TMEM178B: variants seen among roughly 807,000 people sequenced by gnomAD.
The protein encoded by TMEM178B is transmembrane protein 178B.
In TMEM178B, 5 loss-of-function variants were observed where a neutral mutation model predicts 31.0. That is an observed-to-expected ratio of 0.16 (90% CI 0.08 to 0.34). The LOEUF is 0.34. TMEM178B is among the 10% of genes least tolerant of loss of function. TMEM178B has a pLI of 1.00. For missense variants in TMEM178B, 275 were observed against 400.3 expected (o/e 0.69, Z 2.67); for synonymous variants, 164 against 164.0 (o/e 1.00, Z 0.00).
intron 2 of TMEM178B, among the ~76,000 whole-genome samples, chr7:141,393,053 T>C (rs1800574779): frequency 1.3e-5 from 2 of 152,166 alleles, no homozygotes. Flanking sequence ...AGCCTGTGCT[T>C]TTGTGGCACA....
chr7:141,490,632 G>A, the TMEM178B span, among the ~76,000 whole-genome samples: 7 of 152,176 alleles, frequency 4.6e-5, no homozygotes, highest in Admixed American at 1.3e-4. Flanking sequence ...CAGCAAGCTC[G>A]TACACCTATT....
intron 2 of TMEM178B, among the ~76,000 whole-genome samples, chr7:141,400,546 C>A (rs1224315073): frequency 6.6e-6 from 1 of 152,180 alleles, no homozygotes; most frequent in Non-Finnish European, 1.5e-5. Context: ...CCACCCATTC[C>A]CAGAATAGTG....
At chr7:141,450,646 A>G (rs1801846591) in intron 3 of TMEM178B, among the ~76,000 whole-genome samples, 3 of 152,150 alleles carry the variant, frequency 2.0e-5, no homozygotes, top group Admixed American at 1.3e-4. Context: ...CAGAGCTTTA[A>G]AGGGAGGATA....
At chr7:141,154,674 G>A (rs999520528) in intron 1 of TMEM178B, among the ~76,000 whole-genome samples, 1 of 151,872 alleles carries the variant, frequency 6.6e-6, no homozygotes, top group African/African-American at 2.4e-5. Flanking sequence ...GTTTCTTCAT[G>A]AGTTAGCTGG....
At chr7:141,415,444 A>T (rs1189715297) in intron 2 of TMEM178B, 1 of 152,894 alleles carries the variant, frequency 6.5e-6, no homozygotes, top group East Asian at 1.9e-4. Context: ...ACCTGTTGAA[A>T]GTCACAGGGC....
intron 2 of TMEM178B, among the ~76,000 whole-genome samples, chr7:141,395,787 A>T (rs551015442): frequency 6.6e-6 from 1 of 152,106 alleles, no homozygotes; most frequent in Non-Finnish European, 1.5e-5. Flanking sequence ...AAGGATGGGC[A>T]TGGGGGTTGG....
rs534795619 is a variant in TMEM178B, at chr7:141,417,655, AC to A, written c.497-19947del. On this transcript the variant is annotated intron_variant, in intron 2 of 3. Coordinates refer to ENST00000565468, the MANE Select transcript of TMEM178B (RefSeq NM_001195278.2). ...TGTAAACTCATCCACTTTTCTCCCT[AC>A]CCCCCACCTAGCAAGCTGTGTTCTC... Among the ~76,000 whole-genome samples, 241 of 151,362 alleles carry A rather than the reference AC, an allele frequency of 1.6e-3. 1 individual carries two copies. Among genetic ancestry groups the A allele is most frequent in the Admixed American group, 5.5e-3 (83 of 15,200 alleles).
rs570419904 is a variant in TMEM178B at position 141,206,949 on chromosome 7, C to T, written c.383-5642C>T. On this transcript the variant is annotated intron_variant, in intron 1 of 3. Transcript: ENST00000565468. ...ATGGAATCTCCCCATTTCTCCCACT[C>T]TCCAGCCCCTGGCAACTACCATTCT... Among the ~76,000 whole-genome samples, 6 of 152,350 alleles carry T rather than the reference C, an allele frequency of 3.9e-5. No individual in the cohort carries two copies. In the South Asian group the frequency reaches 1.2e-3, roughly 32 times the overall value.
chr7:141,125,136 C>G (rs1201675337), intron 1 of TMEM178B, among the ~76,000 whole-genome samples: 3 of 152,214 alleles, frequency 2.0e-5, no homozygotes, highest in Non-Finnish European at 2.9e-5. Context: ...CAGACAATCT[C>G]TCTCCTATCT....
chr7:141,125,306 A>G (rs1431533885), intron 1 of TMEM178B, among the ~76,000 whole-genome samples: 3 of 152,186 alleles, frequency 2.0e-5, no homozygotes, highest in Non-Finnish European at 4.4e-5. Context: ...CTGTTATAAA[A>G]TCTGGCCAGC....
At chr7:141,404,419 G>A (rs1057261554) in intron 2 of TMEM178B, among the ~76,000 whole-genome samples, 9 of 152,340 alleles carry the variant, frequency 5.9e-5, no homozygotes, top group East Asian at 5.8e-4. Context: ...TGCTCTCCCC[G>A]AAGGCCATAG....
intron 2 of TMEM178B, among the ~76,000 whole-genome samples, chr7:141,232,921 T>G (rs1046549505): frequency 6.6e-6 from 1 of 152,184 alleles, no homozygotes; most frequent in South Asian, 2.1e-4. Context: ...TGAGAGAAGC[T>G]TGAGGAGATG....
At chr7:141,430,997 G>A (rs1371211684) in intron 2 of TMEM178B, among the ~76,000 whole-genome samples, 3 of 152,152 alleles carry the variant, frequency 2.0e-5, no homozygotes, top group African/African-American at 7.2e-5. Flanking sequence ...TCCCCAGGAG[G>A]TGCCCATGTG....
At chr7:141,502,813 G>A in the TMEM178B span, among the ~76,000 whole-genome samples, 1 of 151,962 alleles carries the variant, frequency 6.6e-6, no homozygotes, top group Non-Finnish European at 1.5e-5. Context: ...GCCATTACTG[G>A]CACAACATAA....
intron 3 of TMEM178B, among the ~76,000 whole-genome samples, chr7:141,450,868 T>C (rs562938467): frequency 8.3e-4 from 127 of 152,320 alleles, no homozygotes; most frequent in African/African-American, 2.6e-3. Flanking sequence ...CTTGGAGTCA[T>C]GCAGTTAAGT....
chr7:141,216,730 A>G (rs1715130507), intron 2 of TMEM178B, among the ~76,000 whole-genome samples: 1 of 152,106 alleles, frequency 6.6e-6, no homozygotes, highest in South Asian at 2.1e-4. Context: ...GTTGGGATCC[A>G]TGTCCTTAGT....
At chr7:141,371,468 C>G (rs1800115492) in intron 2 of TMEM178B, among the ~76,000 whole-genome samples, 1 of 152,218 alleles carries the variant, frequency 6.6e-6, no homozygotes. Context: ...AGAAGCCAAA[C>G]AAACCTCTTT....
intron 2 of TMEM178B, among the ~76,000 whole-genome samples, chr7:141,297,992 A>G (rs559261566): frequency 1.3e-5 from 2 of 152,216 alleles, no homozygotes; most frequent in Admixed American, 6.5e-5. Context: ...AAGTGTTTCT[A>G]TTTCTCTACA....
intron 1 of TMEM178B, among the ~76,000 whole-genome samples, chr7:141,076,646 G>A (rs1794604826): frequency 6.6e-6 from 1 of 152,192 alleles, no homozygotes; most frequent in South Asian, 2.1e-4. Flanking sequence ...GGTGAAGCTG[G>A]AAACAGAGAC....
Sources: gnomAD v4.1 joint callset for allele counts (sites outside exome capture counted in the v4.1 genomes callset) on GRCh38, gnomAD v4.1.1 for gene constraint, MANE v1.5 for transcripts, NCBI Gene and HGNC (gene_info 2026-07-23, HGNC 2026-07-21) for gene names.